Variants in TSHZ2 observed in about 807,000 individuals in gnomAD.
TSHZ2 encodes the protein teashirt homolog 2.
In TSHZ2, 21 loss-of-function variants were observed where a neutral mutation model predicts 74.4. The observed-to-expected ratio is 0.28, with a 90% CI of 0.20 to 0.41. The LOEUF is 0.41. Among genes scored for constraint, TSHZ2 ranks in the 10% least tolerant of loss-of-function variants. TSHZ2 has a pLI of 1.00. For synonymous variants in TSHZ2, 540 were observed against 515.3 expected, an observed-to-expected ratio of 1.05 and a Z score of -0.65; for missense variants, 1,244 against 1,293.5, an observed-to-expected ratio of 0.96 and a Z score of 0.59.
intron 2 of TSHZ2, among the ~76,000 whole-genome samples, chr20:53,278,683 T>C (rs1192940534): frequency 1.3e-5 from 2 of 152,236 alleles, no homozygotes; most frequent in African/African-American, 4.8e-5. Context: ...ATCTTTCTTA[T>C]CATTTAAATA....
chr20:53,463,421 AG>A (rs1568929537), intron 2 of TSHZ2, among the ~76,000 whole-genome samples: 3,181 of 122,902 alleles, frequency 0.026, 150 homozygotes, highest in African/African-American at 0.05. Flanking sequence ...GAAGGAAGGA[AG>A]GAAGGAAGGA....
At chr20:53,166,644 G>A (rs1459681708) in intron 1 of TSHZ2, among the ~76,000 whole-genome samples, 2 of 152,006 alleles carry the variant, frequency 1.3e-5, no homozygotes, top group Admixed American at 1.3e-4. Context: ...GGTGGCACAT[G>A]CCTGTAGTCC....
At chr20:53,155,573 A>T (rs1292144193) in intron 1 of TSHZ2, among the ~76,000 whole-genome samples, 1 of 151,836 alleles carries the variant, frequency 6.6e-6, no homozygotes, top group African/African-American at 2.4e-5. Context: ...TGTACAGGGC[A>T]AGCAGAAGAT....
intron 2 of TSHZ2, among the ~76,000 whole-genome samples, chr20:53,341,874 C>A (rs2145569841): frequency 6.6e-6 from 1 of 152,200 alleles, no homozygotes; most frequent in East Asian, 1.9e-4. Flanking sequence ...CCACACCCAG[C>A]TAATTTTTGT....
intron 1 of TSHZ2, among the ~76,000 whole-genome samples, chr20:52,980,166 G>T (rs191035080): frequency 6.8e-4 from 103 of 152,302 alleles, no homozygotes; most frequent in Non-Finnish European, 1.2e-3. Flanking sequence ...AAGGATCTTC[G>T]TAAGATAGCT....
chr20:53,091,401 G>C (rs749403930), intron 1 of TSHZ2, among the ~76,000 whole-genome samples: 4 of 152,192 alleles, frequency 2.6e-5, no homozygotes, highest in Non-Finnish European at 4.4e-5. Flanking sequence ...GTTTTCACTG[G>C]ATGTGGGTTG....
Position 53,254,652 on chromosome 20 carries a change from C to T in TSHZ2, c.1194C>T (p.His398=). ...SHDTLQQLTT[H]MMVTGHFLKV... is the part of the protein sequence containing the mutation. ...ACACCTTGCAGCAGCTCACCACCCA[C>T]ATGATGGTCACAGGTCACTTTCTCA... Residue 398 remains histidine, a synonymous_variant, in exon 2 of 3, where the codon CAC becomes CAT. Coordinates refer to ENST00000371497, the MANE Select transcript of TSHZ2 (RefSeq NM_173485.6). 6.2e-7 allele frequency: 1 copy of T among 1,614,206 alleles called. No individual in the cohort carries two copies. Among genetic ancestry groups the T allele is most frequent in the Non-Finnish European group, 8.5e-7 (1 of 1,180,030 alleles).
intron 2 of TSHZ2, among the ~76,000 whole-genome samples, chr20:53,318,111 G>C (rs186036022): frequency 1.3e-5 from 2 of 152,306 alleles, no homozygotes; most frequent in East Asian, 3.9e-4. Flanking sequence ...AAATAAGCTT[G>C]GATCAGAAAA....
intron 1 of TSHZ2, among the ~76,000 whole-genome samples, chr20:53,219,960 T>C (rs1298705059): frequency 6.6e-6 from 1 of 152,202 alleles, no homozygotes; most frequent in East Asian, 1.9e-4. Context: ...TGGAGATCTG[T>C]CAAGGGATAC....
chr20:53,092,462 A>T (rs769315029), intron 1 of TSHZ2, among the ~76,000 whole-genome samples: 14 of 152,130 alleles, frequency 9.2e-5, no homozygotes, highest in Admixed American at 2.6e-4. Context: ...TTGCTAGTAT[A>T]TTTTTCCCTC....
intron 1 of TSHZ2, among the ~76,000 whole-genome samples, chr20:53,041,730 T>C (rs979057497): frequency 6.6e-6 from 1 of 152,212 alleles, no homozygotes; most frequent in African/African-American, 2.4e-5. Context: ...AGTATGCAGC[T>C]GGTAAGTGGC....
intron 1 of TSHZ2, among the ~76,000 whole-genome samples, chr20:53,001,230 G>GTGTGTATGTGTGTGTGTGTGTGTGTGTA (rs755040371): frequency 2.9e-4 from 36 of 126,208 alleles, no homozygotes; most frequent in East Asian, 4.0e-4. Flanking sequence ...GTGTGTGTGT[G>GTGTGTATGTGTGTGTGTGTGTGTGTGTA]TGTGTGTGTG....
chr20:53,225,295 C>A (rs1485287814), intron 1 of TSHZ2, among the ~76,000 whole-genome samples: 3 of 152,236 alleles, frequency 2.0e-5, no homozygotes, highest in Non-Finnish European at 4.4e-5. Context: ...CATTAGGAAG[C>A]CAACCAGAGG....
At chr20:53,277,729 C>T (rs1056952273) in intron 2 of TSHZ2, among the ~76,000 whole-genome samples, 2 of 152,076 alleles carry the variant, frequency 1.3e-5, no homozygotes, top group African/African-American at 2.4e-5. Context: ...TTTAATCAGC[C>T]GGGAATAAGG....
At chr20:53,023,004 T>C (rs907855804) in intron 1 of TSHZ2, among the ~76,000 whole-genome samples, 1 of 152,182 alleles carries the variant, frequency 6.6e-6, no homozygotes, top group Non-Finnish European at 1.5e-5. Flanking sequence ...TGCACCTCTA[T>C]AATCCTCAGA....
chr20:53,265,191 A>C (rs1361465965), intron 2 of TSHZ2, among the ~76,000 whole-genome samples: 3 of 152,112 alleles, frequency 2.0e-5, no homozygotes, highest in African/African-American at 7.2e-5. Flanking sequence ...CAGTGACTTA[A>C]CCCAGGCCAC....
intron 1 of TSHZ2, among the ~76,000 whole-genome samples, chr20:53,046,481 T>C (rs966404132): frequency 6.6e-6 from 1 of 152,084 alleles, no homozygotes; most frequent in Non-Finnish European, 1.5e-5. Flanking sequence ...GACAGAGATA[T>C]TATCACCCTA....
At chr20:53,143,653 C>G (rs1271826347) in intron 1 of TSHZ2, among the ~76,000 whole-genome samples, 1 of 152,096 alleles carries the variant, frequency 6.6e-6, no homozygotes, top group Non-Finnish European at 1.5e-5. Context: ...GATCGTGCCA[C>G]TGCACTCCAG....
intron 2 of TSHZ2, among the ~76,000 whole-genome samples, chr20:53,484,241 A>G (rs937247707): frequency 2.0e-5 from 3 of 152,186 alleles, no homozygotes; most frequent in African/African-American, 7.2e-5. Context: ...GATGGTGATC[A>G]AGGCATTCAC....
Sources: allele counts gnomAD v4.1 joint callset (sites outside exome capture counted in the v4.1 genomes callset), GRCh38; gene constraint gnomAD v4.1.1; transcripts MANE v1.5; gene names NCBI Gene and HGNC (gene_info 2026-07-23, HGNC 2026-07-21).